COL14A1: variants seen among roughly 807,000 people sequenced by gnomAD.
COL14A1 encodes the protein collagen alpha-1(XIV) chain.
A neutral mutation model predicts 230.3 loss-of-function variants in COL14A1; 136 were observed. The observed-to-expected ratio is 0.59, with a 90% CI of 0.51 to 0.68. COL14A1 has a LOEUF of 0.68. COL14A1 is among the 30% of genes least tolerant of loss of function. COL14A1 has a pLI of 0.00. For missense variants in COL14A1, 1,976 were observed against 2,215.8 expected (o/e 0.89, Z 2.17); for synonymous variants, 792 against 784.1 (o/e 1.01, Z -0.17).
chr8:120,163,090 G>A (rs1040971279), intron 4 of COL14A1, among the ~76,000 whole-genome samples: 1 of 152,158 alleles, frequency 6.6e-6, no homozygotes, highest in Non-Finnish European at 1.5e-5. Context: ...CCCAGAAGGC[G>A]CCAGTCCAGG....
chr8:120,299,477 A>G (rs901569793), intron 35 of COL14A1, among the ~76,000 whole-genome samples: 2 of 152,040 alleles, frequency 1.3e-5, no homozygotes, highest in Non-Finnish European at 2.9e-5. Context: ...TGTGATCACC[A>G]CTTTTTCTAG....
chr8:120,148,473 G>A (rs1397590885), intron 2 of COL14A1, among the ~76,000 whole-genome samples: 1 of 152,124 alleles, frequency 6.6e-6, no homozygotes, highest in Non-Finnish European at 1.5e-5. Flanking sequence ...AGTTTAATCA[G>A]TGAAAGTCAA....
intron 36 of COL14A1, among the ~76,000 whole-genome samples, chr8:120,306,284 G>T (rs78234677): frequency 2.0e-5 from 3 of 152,038 alleles, no homozygotes; most frequent in Non-Finnish European, 2.9e-5. Flanking sequence ...ATATTTATTT[G>T]TGACCTAAAC....
Position 120,125,177 on chromosome 8 carries a change from CAGA to C in COL14A1, c.-198_-196del, listed in dbSNP as rs989602741. 2 of 152,666 alleles carry C rather than the reference CAGA, an allele frequency of 1.3e-5. No individual in the cohort carries two copies. The highest frequency in any genetic ancestry group is 2.4e-5 in the African/African-American group (1 of 41,440). The allele number at this position is 152,666 out of a possible 1,614,324, so 9.5% of individuals were successfully genotyped here. A position where few individuals can be genotyped will look rare whatever the true frequency, so the allele number is the denominator to read the frequency against. On this transcript the variant is annotated 5_prime_UTR_variant, in exon 1 of 48. Coordinates refer to ENST00000297848, the MANE Select transcript of COL14A1 (RefSeq NM_021110.4). ...GGGGCTGGAAGTGGAAGCGCAGCGG[CAGA>C]AGGAGAGGGAGAGAGAAAGAGAGAG... is the stretch of plus-strand genomic sequence containing the variant.
intron 1 of COL14A1, 146 bp from the exon 2 acceptor site, chr8:120,147,660 A>G: frequency 6.2e-6 from 3 of 487,656 alleles, no homozygotes; most frequent in Non-Finnish European, 1.1e-5. Flanking sequence ...ATCAGTTTGT[A>G]TTTTAGAGTG....
intron 18 of COL14A1, among the ~76,000 whole-genome samples, chr8:120,231,261 A>G (rs185131813): frequency 2.0e-5 from 3 of 152,254 alleles, no homozygotes; most frequent in African/African-American, 7.2e-5. Flanking sequence ...TCTTGTAAGC[A>G]TCTCTTAATT....
At chr8:120,167,556 T>C (rs541210719) in intron 4 of COL14A1, among the ~76,000 whole-genome samples, 2 of 152,356 alleles carry the variant, frequency 1.3e-5, no homozygotes, top group South Asian at 4.1e-4. Context: ...TATGAATTTA[T>C]TAAAAGGCCA....
intron 1 of COL14A1, among the ~76,000 whole-genome samples, chr8:120,142,906 T>A (rs1252599731): frequency 6.6e-6 from 1 of 152,228 alleles, no homozygotes; most frequent in Non-Finnish European, 1.5e-5. Context: ...TTTATTCCTT[T>A]AGATATACCA....
chr8:120,135,895 T>G (rs575904763), intron 1 of COL14A1, among the ~76,000 whole-genome samples: 175 of 152,246 alleles, frequency 1.1e-3, no homozygotes, highest in African/African-American at 4.0e-3. Flanking sequence ...TAAAATTTTT[T>G]TCTTTTTATT....
At chr8:120,154,691 G>T (rs1019453265) in intron 2 of COL14A1, among the ~76,000 whole-genome samples, 1 of 151,978 alleles carries the variant, frequency 6.6e-6, no homozygotes, top group Non-Finnish European at 1.5e-5. Context: ...CTTGATGTTC[G>T]TCTTTTTTAA....
intron 9 of COL14A1, 57 bp from the exon 10 acceptor site, chr8:120,206,886 G>T: frequency 1.3e-6 from 2 of 1,489,156 alleles, no homozygotes; most frequent in Non-Finnish European, 1.8e-6. Flanking sequence ...AGATGTCTTA[G>T]CTTCATAAGA....
chr8:120,288,916 T>TA (rs764395265), intron 33 of COL14A1, among the ~76,000 whole-genome samples: 32 of 152,316 alleles, frequency 2.1e-4, no homozygotes, highest in Non-Finnish European at 4.0e-4. Flanking sequence ...AACTTGGACA[T>TA]AGAGTAGTTA....
chr8:120,371,005 A>G, intron 47 of COL14A1, 147 bp from the exon 48 acceptor site: 2 of 1,038,196 alleles, frequency 1.9e-6, no homozygotes, highest in Non-Finnish European at 1.4e-6. Context: ...CCTTATGGGG[A>G]AGGTACAAGG....
At chr8:120,235,217 G>T (rs1438430118) in intron 19 of COL14A1, among the ~76,000 whole-genome samples, 1 of 152,074 alleles carries the variant, frequency 6.6e-6, no homozygotes, top group Non-Finnish European at 1.5e-5. Context: ...TGCCCAGGCT[G>T]GGAGAGTAGT....
At chr8:120,201,108 G>T (rs529944875) in intron 8 of COL14A1, among the ~76,000 whole-genome samples, 162 of 152,106 alleles carry the variant, frequency 1.1e-3, no homozygotes, top group African/African-American at 3.6e-3. Context: ...ACATGTAAGA[G>T]AAGTGTATTA....
intron 42 of COL14A1, 114 bp from the exon 43 acceptor site, chr8:120,341,211 G>A: frequency 1.0e-6 from 1 of 999,304 alleles, no homozygotes; most frequent in Non-Finnish European, 1.6e-6. Context: ...GATTTTTGCT[G>A]CAGAATTACT....
intron 5 of COL14A1, among the ~76,000 whole-genome samples, chr8:120,175,154 CA>C (rs1452611283): frequency 3.0e-4 from 45 of 152,308 alleles, no homozygotes; most frequent in African/African-American, 1.1e-3. Context: ...GTTAAAGTTA[CA>C]GTTAAGATTG....
intron 42 of COL14A1, among the ~76,000 whole-genome samples, chr8:120,333,863 C>T (rs1036364467): frequency 2.6e-5 from 4 of 152,166 alleles, no homozygotes; most frequent in African/African-American, 9.7e-5. Flanking sequence ...CTGCCGTAGT[C>T]ACTTCTCTCT....
chr8:120,205,001 G>T (rs1179534769), intron 9 of COL14A1, among the ~76,000 whole-genome samples: 1 of 152,142 alleles, frequency 6.6e-6, no homozygotes, highest in African/African-American at 2.4e-5. Flanking sequence ...GGCATGAGGG[G>T]GTTGGGGTGG....
Sources: allele counts gnomAD v4.1 joint callset (sites outside exome capture counted in the v4.1 genomes callset), GRCh38; gene constraint gnomAD v4.1.1; transcripts MANE v1.5; gene names NCBI Gene and HGNC (gene_info 2026-07-23, HGNC 2026-07-21).